Variants in CDH6 observed in about 807,000 individuals in gnomAD.
The protein encoded by CDH6 is cadherin-6.
CDH6 carries 31 observed loss-of-function variants against 78.0 expected under a neutral mutation model. The observed-to-expected ratio is 0.40, with a 90% CI of 0.30 to 0.54. CDH6 has a LOEUF of 0.54. Among genes scored for constraint, CDH6 ranks in the 20% least tolerant of loss-of-function variants. CDH6 has a pLI of 0.56. For missense variants in CDH6, 724 were observed against 975.9 expected (o/e 0.74, Z 3.44); for synonymous variants, 376 against 368.8 (o/e 1.02, Z -0.23).
Position 31,267,480 on chromosome 5 carries a change from A to T in CDH6, c.7A>T (p.Thr3Ser), listed in dbSNP as rs537863981. 7.4e-6 allele frequency: 12 copies of T among 1,613,802 alleles called. 1 individual carries two copies. The South Asian group carries it at 1.3e-4, about 18-fold the overall frequency. Residue 3 changes from threonine to serine, a missense_variant, in exon 2 of 12, where the codon ACT becomes TCT. By Grantham distance (58) the Thr-to-Ser change is moderately conservative. Around this residue, in one of 3 missense-constraint regions of CDH6, gnomAD observed 58 missense variants for 50.8 expected, o/e 1.14. Transcript: ENST00000265071. ...ACTCGACGGTGCCATCAGCATGAGA[A>T]CTTACCGCTACTTCTTGCTGCTCTT... MR[T>S]YRYFLLLFWV...
chr5:31,245,952 G>C (rs1032328929), intron 1 of CDH6, among the ~76,000 whole-genome samples: 4 of 135,480 alleles, frequency 3.0e-5, no homozygotes, highest in African/African-American at 1.1e-4. Context: ...TCGTCACCCA[G>C]GCTGGAGTGC....
At chr5:31,222,671 A>G (rs1211964599) in intron 1 of CDH6, among the ~76,000 whole-genome samples, 2 of 152,134 alleles carry the variant, frequency 1.3e-5, no homozygotes, top group African/African-American at 4.8e-5. Context: ...AGATAAATTC[A>G]TTACACAGAT....
At chr5:31,259,057 GA>G (rs1742139004) in intron 1 of CDH6, among the ~76,000 whole-genome samples, 1 of 152,204 alleles carries the variant, frequency 6.6e-6, no homozygotes, top group African/African-American at 2.4e-5. Flanking sequence ...ATTGTCACGA[GA>G]ATTCACGAAA....
At chr5:31,206,477 G>A (rs995768883) in intron 1 of CDH6, among the ~76,000 whole-genome samples, 93 of 152,146 alleles carry the variant, frequency 6.1e-4, no homozygotes, top group African/African-American at 1.6e-3. Context: ...CTATCTGTTC[G>A]CTTTAATTTG....
intron 2 of CDH6, among the ~76,000 whole-genome samples, chr5:31,267,942 G>A (rs139937180): frequency 2.0e-5 from 3 of 152,030 alleles, no homozygotes; most frequent in Non-Finnish European, 2.9e-5. Context: ...ACAACCATCC[G>A]CATAGGATTA....
At position 31,278,121 on chromosome 5, in the gene CDH6, A is replaced by G. The variant is rs770395630; in HGVS notation, c.228+10420A>G. ...TGACATTTGATTTCTATGCCTCCCA[A>G]TTGATTGATGCAATGGTTTGATATG... On this transcript the variant is annotated intron_variant, in intron 2 of 11. Coordinates refer to ENST00000265071, the MANE Select transcript of CDH6 (RefSeq NM_004932.4). Among the ~76,000 whole-genome samples the G allele has an allele frequency of 3.9e-4, 59 of 152,276 alleles. 1 individual carries two copies. In the Middle Eastern group the frequency reaches 0.01, roughly 26 times the overall value.
chr5:31,257,667 G>A (rs1374662003), intron 1 of CDH6, among the ~76,000 whole-genome samples: 1 of 151,990 alleles, frequency 6.6e-6, no homozygotes, highest in Non-Finnish European at 1.5e-5. Context: ...GTTTTGTTCT[G>A]TGCTCAGTTC....
chr5:31,290,110 A>G lies in CDH6; in HGVS notation c.229-3852A>G, dbSNP rs141198383. Among the ~76,000 whole-genome samples, 33 of 152,264 alleles carry G rather than the reference A, an allele frequency of 2.2e-4. No homozygotes were observed. The East Asian group carries it at 5.2e-3, about 24-fold the overall frequency. On this transcript the variant is annotated intron_variant, in intron 2 of 11. Transcript: ENST00000265071. ...TGTCTCTACTAAAAATACACAAAAA[A>G]TTAGCCAGGTGTGGTGGTGGATGCC...
chr5:31,275,497 C>T (rs1264960607), intron 2 of CDH6, among the ~76,000 whole-genome samples: 2 of 152,106 alleles, frequency 1.3e-5, no homozygotes, highest in East Asian at 3.9e-4. Flanking sequence ...GGATAATGGC[C>T]TCCAGCTGCA....
intron 2 of CDH6, among the ~76,000 whole-genome samples, chr5:31,281,343 T>G (rs1193398559): frequency 7.1e-6 from 1 of 139,980 alleles, no homozygotes; most frequent in Non-Finnish European, 1.6e-5. Flanking sequence ...TGGGGGAGTG[T>G]GTGTGGGGGG....
In CDH6 at chr5:31,302,303, T is replaced by A. The variant is rs779966872; in HGVS notation, c.999+5T>A. ...GGGATTATAACTGTCAAAAAGGTAA[T>A]GCCGCTTCTTAAACACCATACAGAG... On this transcript the variant is annotated splice_donor_5th_base_variant and intron_variant, in intron 6 of 11. Transcript: ENST00000265071. 2 of 1,606,682 alleles carry A rather than the reference T, an allele frequency of 1.2e-6. No individual in the cohort carries two copies. Among genetic ancestry groups the A allele is most frequent in the Non-Finnish European group, 8.5e-7 (1 of 1,174,396 alleles).
chr5:31,320,740 G>A (rs1431404342), intron 11 of CDH6, among the ~76,000 whole-genome samples: 2 of 152,140 alleles, frequency 1.3e-5, no homozygotes, highest in African/African-American at 4.8e-5. Flanking sequence ...CACTTTGCGA[G>A]GCCGAGGCAG....
Position 31,322,998 on chromosome 5 carries a change from T to A in CDH6, c.2063T>A (p.Leu688Ter), listed in dbSNP as rs1286792211. The part of the protein sequence containing the change: ...RNPEAIEDNK[L>*]RRDIVPEALF... ...CCTGAAGCCATAGAGGACAACAAAT[T>A]ACGAAGGGACATTGTGCCCGAAGCC... is the stretch of plus-strand genomic sequence containing the variant. The change falls in exon 12 of 12, where the codon TTA (leucine) becomes TAA (stop). Residue 688 changes from leucine to a stop codon, truncating the protein, a stop_gained. Transcript: ENST00000265071. LOFTEE classifies it high-confidence loss of function. The A allele has an allele frequency of 1.2e-6, 2 of 1,613,924 alleles. No homozygotes were observed. The highest frequency in any genetic ancestry group is 1.7e-6 in the Non-Finnish European group (2 of 1,180,020).
intron 1 of CDH6, chr5:31,250,387 G>C (rs1413456614): frequency 6.6e-6 from 1 of 152,304 alleles, no homozygotes; most frequent in Non-Finnish European, 1.5e-5. Context: ...GGCTCGGAGT[G>C]AGCCAGGCAC....
chr5:31,223,660 A>G (rs1482491798), intron 1 of CDH6, among the ~76,000 whole-genome samples: 4 of 152,096 alleles, frequency 2.6e-5, no homozygotes, highest in Non-Finnish European at 5.9e-5. Flanking sequence ...CCGGTGGTGT[A>G]TGTTGCACTG....
chr5:31,303,199 G>C (rs1420443763), intron 6 of CDH6, among the ~76,000 whole-genome samples: 1 of 152,150 alleles, frequency 6.6e-6, no homozygotes, highest in Non-Finnish European at 1.5e-5. Context: ...CTAGGTGCTG[G>C]AGGTGCACTG....
intron 1 of CDH6, among the ~76,000 whole-genome samples, chr5:31,202,744 GTA>G (rs760409338): frequency 7.3e-5 from 11 of 149,804 alleles, no homozygotes; most frequent in Middle Eastern, 3.5e-3. Context: ...ATATATGCGT[GTA>G]TATATGTAAC....
intron 2 of CDH6, among the ~76,000 whole-genome samples, chr5:31,282,252 T>C (rs910951002): frequency 3.9e-5 from 6 of 152,176 alleles, no homozygotes; most frequent in African/African-American, 1.2e-4. Context: ...GTCTGCAAGA[T>C]GTCTTTATGG....
intron 2 of CDH6, among the ~76,000 whole-genome samples, chr5:31,279,332 C>T (rs1426787206): frequency 6.6e-6 from 1 of 152,052 alleles, no homozygotes; most frequent in African/African-American, 2.4e-5. Context: ...CTTTGGGAGG[C>T]CGAGGTGGGT....
Sources: gnomAD v4.1 joint callset for allele counts (sites outside exome capture counted in the v4.1 genomes callset) on GRCh38, gnomAD v4.1.1 for gene constraint, gnomAD v4.1.1 regional missense constraint, MANE v1.5 for transcripts, NCBI Gene and HGNC (gene_info 2026-07-23, HGNC 2026-07-21) for gene names.